FHIT: variants seen among roughly 807,000 people sequenced by gnomAD.
The protein encoded by FHIT is bis(5'-adenosyl)-triphosphatase.
Under a neutral mutation model 17.9 loss-of-function variants are expected in FHIT, and 19 were observed. The ratio of observed to expected loss-of-function variants is 1.06; its 90% confidence interval spans 0.74 to 1.56. The LOEUF (loss-of-function observed/expected upper bound fraction) is 1.56, where lower values mean the gene tolerates loss of function less well. Ranked by LOEUF, FHIT falls within the 40% of genes most tolerant of loss-of-function variation. The probability of loss-of-function intolerance (pLI) is 0.00; values close to 1 mark genes in which losing one functional copy is unlikely to be tolerated. For missense variants in FHIT, 248 were observed against 189.2 expected, an observed-to-expected ratio of 1.31 and a Z score of -1.82; for synonymous variants, 81 against 69.7, an observed-to-expected ratio of 1.16 and a Z score of -0.81.
intron 3 of FHIT, among the ~76,000 whole-genome samples, chr3:61,022,474 G>A (rs1268761313): frequency 6.6e-6 from 1 of 152,042 alleles, no homozygotes; most frequent in African/African-American, 2.4e-5. Context: ...AGAAAAAGAG[G>A]GACTCCTCCC....
chr3:59,902,858 G>A (rs1271643361), intron 8 of FHIT, among the ~76,000 whole-genome samples: 1 of 152,156 alleles, frequency 6.6e-6, no homozygotes, highest in Admixed American at 6.5e-5. Flanking sequence ...GTAAGTGCTG[G>A]CACTCTAATG....
chr3:60,437,318 G>C (rs1274118073), intron 5 of FHIT, among the ~76,000 whole-genome samples: 1 of 152,034 alleles, frequency 6.6e-6, no homozygotes, highest in Non-Finnish European at 1.5e-5. Context: ...AAAAGGGAGT[G>C]ATTATACAAT....
chr3:59,884,481 A>G (rs965241003), intron 8 of FHIT, among the ~76,000 whole-genome samples: 2 of 152,114 alleles, frequency 1.3e-5, no homozygotes, highest in Non-Finnish European at 2.9e-5. Context: ...TGACCACTCA[A>G]CTTTTCTAGG....
chr3:61,028,985 C>G (rs2032875577), intron 3 of FHIT, among the ~76,000 whole-genome samples: 1 of 151,954 alleles, frequency 6.6e-6, no homozygotes, highest in Admixed American at 6.6e-5. Flanking sequence ...AGGTCAGGCA[C>G]AGCTACAGCA....
chr3:60,313,569 A>G (rs1158576927), intron 5 of FHIT, among the ~76,000 whole-genome samples: 1 of 152,094 alleles, frequency 6.6e-6, no homozygotes, highest in Non-Finnish European at 1.5e-5. Context: ...AGTGCAAACA[A>G]CTCTCTTTTG....
chr3:61,063,287 A>C (rs905415305), intron 2 of FHIT, among the ~76,000 whole-genome samples: 3 of 142,750 alleles, frequency 2.1e-5, no homozygotes, highest in African/African-American at 2.5e-5. Context: ...TAAGTGAACC[A>C]TGTACTAGTT....
intron 5 of FHIT, among the ~76,000 whole-genome samples, chr3:60,511,577 A>C (rs185082567): frequency 3.3e-4 from 51 of 152,312 alleles, no homozygotes; most frequent in Middle Eastern, 6.8e-3. Flanking sequence ...AAGCACCCCC[A>C]TAGTGCTGGA....
intron 7 of FHIT, among the ~76,000 whole-genome samples, chr3:59,931,549 T>C (rs1345080287): frequency 1.3e-5 from 2 of 152,146 alleles, no homozygotes; most frequent in Non-Finnish European, 2.9e-5. Context: ...TCACTTAGAA[T>C]ATTAGCAATG....
intron 5 of FHIT, among the ~76,000 whole-genome samples, chr3:60,184,522 G>A (rs1372224871): frequency 6.6e-6 from 1 of 151,954 alleles, no homozygotes; most frequent in Non-Finnish European, 1.5e-5. Context: ...ACACCACAAA[G>A]ATAAAGTGCC....
chr3:60,444,098 T>C (rs547979465), intron 5 of FHIT, among the ~76,000 whole-genome samples: 1 of 152,136 alleles, frequency 6.6e-6, no homozygotes, highest in Non-Finnish European at 1.5e-5. Context: ...AAAAAATGCT[T>C]ATCATCACTT....
At chr3:60,138,162 C>G (rs940102517) in intron 5 of FHIT, among the ~76,000 whole-genome samples, 5 of 152,120 alleles carry the variant, frequency 3.3e-5, no homozygotes, top group African/African-American at 4.8e-5. Flanking sequence ...GCTTATGGCT[C>G]TATGGAAGTT....
chr3:60,760,588 G>A (rs968411230), intron 4 of FHIT, among the ~76,000 whole-genome samples: 5 of 151,138 alleles, frequency 3.3e-5, no homozygotes, highest in Admixed American at 6.6e-5. Flanking sequence ...TCCTGCTCCC[G>A]TCAGCTTAAA....
At chr3:60,493,577 C>G (rs2034158068) in intron 5 of FHIT, among the ~76,000 whole-genome samples, 1 of 152,106 alleles carries the variant, frequency 6.6e-6, no homozygotes, top group Non-Finnish European at 1.5e-5. Flanking sequence ...GTCACACCTT[C>G]AACATCATGA....
At chr3:60,703,880 G>T (rs1056640652) in intron 4 of FHIT, among the ~76,000 whole-genome samples, 1 of 151,878 alleles carries the variant, frequency 6.6e-6, no homozygotes, top group African/African-American at 2.4e-5. Flanking sequence ...ATGATTATTG[G>T]TATTAAATGT....
intron 7 of FHIT, among the ~76,000 whole-genome samples, chr3:59,953,619 G>T (rs1328443584): frequency 6.6e-6 from 1 of 152,044 alleles, no homozygotes; most frequent in Non-Finnish European, 1.5e-5. Flanking sequence ...AAAGAGTATT[G>T]AGCTGCCATA....
At chr3:60,419,043 G>T (rs1702375340) in intron 5 of FHIT, among the ~76,000 whole-genome samples, 1 of 152,138 alleles carries the variant, frequency 6.6e-6, no homozygotes, top group African/African-American at 2.4e-5. Context: ...CAACTAGAAA[G>T]AGATTTTCAT....
intron 3 of FHIT, among the ~76,000 whole-genome samples, chr3:60,823,496 A>G (rs1702002401): frequency 6.6e-6 from 1 of 152,204 alleles, no homozygotes; most frequent in Admixed American, 6.5e-5. Flanking sequence ...ACACAGAGAC[A>G]CACGGGAGAA....
At chr3:60,217,769 T>G (rs2107528033) in intron 5 of FHIT, among the ~76,000 whole-genome samples, 1 of 152,302 alleles carries the variant, frequency 6.6e-6, no homozygotes, top group African/African-American at 2.4e-5. Context: ...CTTTAGCACT[T>G]TTCTCTTTGC....
At chr3:60,450,432 A>G (rs2031659686) in intron 5 of FHIT, among the ~76,000 whole-genome samples, 1 of 152,104 alleles carries the variant, frequency 6.6e-6, no homozygotes, top group South Asian at 2.1e-4. Context: ...TGAGCTGTGC[A>G]TATTATCCAG....
Sources: gnomAD v4.1 joint callset for allele counts (sites outside exome capture counted in the v4.1 genomes callset) on GRCh38, gnomAD v4.1.1 for gene constraint, MANE v1.5 for transcripts, NCBI Gene and HGNC (gene_info 2026-07-23, HGNC 2026-07-21) for gene names.